Variants in RETREG1 observed in about 807,000 individuals in gnomAD.
RETREG1 encodes the protein reticulophagy regulator 1, also known as family with sequence similarity 134 member B.
In RETREG1, 44 loss-of-function variants were observed where a neutral mutation model predicts 54.8. That is an observed-to-expected ratio of 0.80 (90% CI 0.63 to 1.03). The LOEUF (loss-of-function observed/expected upper bound fraction) is 1.03, where lower values mean the gene tolerates loss of function less well. RETREG1 is among the 50% of genes least tolerant of loss of function. RETREG1 has a pLI of 0.00. For missense variants in RETREG1, 554 were observed against 605.1 expected (o/e 0.92, Z 0.89); for synonymous variants, 217 against 238.5 (o/e 0.91, Z 0.83).
At chr5:16,515,948 A>C (rs1463772515) in intron 3 of RETREG1, among the ~76,000 whole-genome samples, 2 of 152,276 alleles carry the variant, frequency 1.3e-5, no homozygotes, top group African/African-American at 4.8e-5. Context: ...AAAGAATGAA[A>C]AACATATATG....
intron 3 of RETREG1, among the ~76,000 whole-genome samples, chr5:16,514,384 C>G (rs1579633139): frequency 6.6e-6 from 1 of 152,190 alleles, no homozygotes; most frequent in East Asian, 1.9e-4. Context: ...TCAGCACCAC[C>G]TCACGCCACC....
chr5:16,479,333 C>G (rs536975383), intron 5 of RETREG1, among the ~76,000 whole-genome samples: 31 of 152,194 alleles, frequency 2.0e-4, no homozygotes, highest in African/African-American at 6.0e-4. Context: ...TAGATCAACT[C>G]CCTCCTTTCA....
rs145567588 is a variant in RETREG1 at position 16,580,727 on chromosome 5, G to C, written c.321-8625C>G. On this transcript the variant is annotated intron_variant, in intron 1 of 8. Transcript: ENST00000306320. ...CTGCCCAGAAGACCATGAGGGCAGG[G>C]CGATCGAGTACAGACTTGGAAGAGG... 6.4e-3 allele frequency among the ~76,000 whole-genome samples: 972 copies of C among 152,310 alleles called. 11 individuals carry two copies. Among genetic ancestry groups the C allele is most frequent in the African/African-American group, 0.023 (946 of 41,562 alleles).
chr5:16,582,530 G>A (rs1374696468), intron 1 of RETREG1, among the ~76,000 whole-genome samples: 1 of 152,050 alleles, frequency 6.6e-6, no homozygotes, highest in African/African-American at 2.4e-5. Context: ...AGATATCTGG[G>A]TCAGGGAAGA....
At chr5:16,609,467 G>A (rs369051331) in intron 1 of RETREG1, among the ~76,000 whole-genome samples, 27 of 152,256 alleles carry the variant, frequency 1.8e-4, no homozygotes, top group Middle Eastern at 6.8e-3. Flanking sequence ...AACAACCAGC[G>A]ATAGTAGCAT....
At chr5:16,616,465 G>A (rs1231634157) in intron 1 of RETREG1, 187 bp downstream of exon 1, 29 of 1,069,782 alleles carry the variant, frequency 2.7e-5, no homozygotes, top group African/African-American at 6.6e-5. Flanking sequence ...TCACAGGGAC[G>A]TGCGTCCGGA....
intron 3 of RETREG1, among the ~76,000 whole-genome samples, chr5:16,543,896 T>A (rs909895408): frequency 6.6e-6 from 1 of 152,132 alleles, no homozygotes; most frequent in Non-Finnish European, 1.5e-5. Flanking sequence ...TGAGCATCTT[T>A]TTATGTGTTT....
At chr5:16,546,611 G>T (rs186414292) in intron 3 of RETREG1, among the ~76,000 whole-genome samples, 5 of 152,244 alleles carry the variant, frequency 3.3e-5, no homozygotes, top group Admixed American at 6.5e-5. Flanking sequence ...AATAAAATAG[G>T]GTGCTGATTA....
chr5:16,482,636 C>T (rs879775686), intron 4 of RETREG1, among the ~76,000 whole-genome samples: 1 of 152,004 alleles, frequency 6.6e-6, no homozygotes, highest in Non-Finnish European at 1.5e-5. Context: ...TCATTCTATC[C>T]ACGGGTGGAT....
At chr5:16,486,622 A>T (rs1267441593) in intron 3 of RETREG1, among the ~76,000 whole-genome samples, 1 of 152,214 alleles carries the variant, frequency 6.6e-6, no homozygotes, top group Non-Finnish European at 1.5e-5. Flanking sequence ...CTGGGTTTCC[A>T]ATACAGTTCT....
chr5:16,542,870 A>G (rs548637853), intron 3 of RETREG1, among the ~76,000 whole-genome samples: 2 of 152,304 alleles, frequency 1.3e-5, no homozygotes, highest in South Asian at 4.1e-4. Context: ...AACTGCGCAT[A>G]AGTTTTAACG....
chr5:16,566,950 C>T (rs1035960900), intron 2 of RETREG1, among the ~76,000 whole-genome samples: 15 of 152,216 alleles, frequency 9.9e-5, no homozygotes, highest in South Asian at 2.1e-4. Context: ...ATCAGCTCAG[C>T]TTGTCATTTG....
intron 8 of RETREG1, among the ~76,000 whole-genome samples, chr5:16,477,059 A>G (rs889734633): frequency 6.6e-6 from 1 of 152,160 alleles, no homozygotes; most frequent in African/African-American, 2.4e-5. Context: ...ATTAGCGTCT[A>G]TCTTTCTCTC....
chr5:16,532,778 G>A (rs1740951338), intron 3 of RETREG1, among the ~76,000 whole-genome samples: 3 of 152,144 alleles, frequency 2.0e-5, no homozygotes, highest in Non-Finnish European at 4.4e-5. Flanking sequence ...CTGTAACATA[G>A]CTCATGTAAA....
chr5:16,608,469 C>T (rs1743256137), intron 1 of RETREG1, among the ~76,000 whole-genome samples: 1 of 152,172 alleles, frequency 6.6e-6, no homozygotes. Context: ...TTCTTCTGGG[C>T]TTATACAATA....
chr5:16,548,208 C>A (rs544365219), intron 3 of RETREG1, among the ~76,000 whole-genome samples: 29 of 152,292 alleles, frequency 1.9e-4, no homozygotes, highest in African/African-American at 7.0e-4. Flanking sequence ...CATACTCTCA[C>A]CATGGCCTTG....
At chr5:16,539,640 A>G (rs2126604893) in intron 3 of RETREG1, among the ~76,000 whole-genome samples, 1 of 152,126 alleles carries the variant, frequency 6.6e-6, no homozygotes, top group Non-Finnish European at 1.5e-5. Flanking sequence ...GTCCTTTCCA[A>G]TCAACCACCA....
chr5:16,505,244 C>CTA (rs1561093856), intron 3 of RETREG1, among the ~76,000 whole-genome samples: 3 of 152,140 alleles, frequency 2.0e-5, no homozygotes, highest in Non-Finnish European at 2.9e-5. Flanking sequence ...TCAGTCCTTA[C>CTA]TATATGACAA....
rs1738667243 is a variant in RETREG1 at position 16,479,210 on chromosome 5, T to C, written c.671-223A>G. Among the ~76,000 whole-genome samples the C allele has an allele frequency of 2.0e-5, 3 of 151,788 alleles. No individual in the cohort carries two copies. In the East Asian group the frequency reaches 5.8e-4, roughly 29 times the overall value. On this transcript the variant is annotated intron_variant, in intron 5 of 8. Transcript: ENST00000306320. ...ACATGCATCCCACACTTACACAAGT[T>C]TATAATTTCTATTCTTTTTCTGTAA...
Sources: gnomAD v4.1 joint callset for allele counts (sites outside exome capture counted in the v4.1 genomes callset) on GRCh38, gnomAD v4.1.1 for gene constraint, MANE v1.5 for transcripts, NCBI Gene and HGNC (gene_info 2026-07-23, HGNC 2026-07-21) for gene names.